Variants in C11orf65 observed in about 807,000 individuals in gnomAD.
C11orf65 encodes protein MFI.
C11orf65 carries 38 observed loss-of-function variants against 35.3 expected under a neutral mutation model. That is an observed-to-expected ratio of 1.08 (90% CI 0.83 to 1.41). The LOEUF (loss-of-function observed/expected upper bound fraction) is 1.41, where lower values mean the gene tolerates loss of function less well. Among genes scored for constraint, C11orf65 ranks in the 40% most tolerant of loss-of-function variants. C11orf65 has a pLI of 0.00. For missense variants in C11orf65, 370 were observed against 367.1 expected (o/e 1.01, Z -0.06); for synonymous variants, 105 against 114.4 (o/e 0.92, Z 0.53).
intron 3 of C11orf65, chr11:108,332,138 T>A: frequency 6.8e-7 from 1 of 1,475,918 alleles, no homozygotes; most frequent in Non-Finnish European, 9.2e-7. Flanking sequence ...CCATCTAAAA[T>A]CGGTTCAAGG....
intron 2 of C11orf65, chr11:108,347,254 G>A: frequency 6.6e-7 from 1 of 1,506,646 alleles, no homozygotes; most frequent in South Asian, 1.1e-5. Context: ...AGTGATTTCA[G>A]ATTGTTTGTT....
intron 7 of C11orf65, among the ~76,000 whole-genome samples, chr11:108,390,369 T>C (rs973515401): frequency 6.6e-6 from 1 of 152,210 alleles, no homozygotes. Flanking sequence ...TCACCTACTA[T>C]CACTTAGCGG....
At chr11:108,348,120 A>G (rs11212592) in intron 2 of C11orf65, among the ~76,000 whole-genome samples, 25,360 of 152,074 alleles carry the variant, frequency 0.17, 2,798 homozygotes, top group East Asian at 0.31. Context: ...ATAGTAAGAA[A>G]GTGATGAATT....
In C11orf65 at chr11:108,431,806, C is replaced by T. The variant is rs750192920; in HGVS notation, c.114G>A (p.Leu38=). The T allele has an allele frequency of 6.6e-7, 1 of 1,525,138 alleles. No individual in the cohort carries two copies. Among genetic ancestry groups the T allele is most frequent in the Non-Finnish European group, 8.9e-7 (1 of 1,122,042 alleles). 94.5% of individuals were successfully genotyped at this position (1,525,138 alleles called of 1,614,324 possible). A position where few individuals can be genotyped will look rare whatever the true frequency, so the allele number is the denominator to read the frequency against. ...NVAIFQHFKS[L]IDLRRQGEPR... ...GTTCTCCTTGTCTTCTTAAATCAAT[C>T]AGACTTTTAAAGTGTTGAAATATAG... Residue 38 remains leucine, a synonymous_variant, in exon 3 of 9, where the codon CTG becomes CTA. Coordinates refer to ENST00000393084, the MANE Select transcript of C11orf65 (RefSeq NM_152587.5).
At chr11:108,384,947 G>A (rs1267899990) in intron 8 of C11orf65, among the ~76,000 whole-genome samples, 2 of 152,114 alleles carry the variant, frequency 1.3e-5, no homozygotes, top group African/African-American at 4.8e-5. Flanking sequence ...TCAACATGCT[G>A]GCTTTTACTT....
intron 2 of C11orf65, among the ~76,000 whole-genome samples, chr11:108,357,596 C>T (rs555473185): frequency 5.3e-5 from 8 of 152,174 alleles, no homozygotes; most frequent in Non-Finnish European, 7.3e-5. Context: ...AGCTGGAGAT[C>T]GGACAACAGG....
intron 6 of C11orf65, among the ~76,000 whole-genome samples, chr11:108,319,766 C>A (rs1298039142): frequency 6.6e-6 from 1 of 152,064 alleles, no homozygotes; most frequent in East Asian, 1.9e-4. Context: ...GAGTAATTTC[C>A]TTTTTTTCTG....
At chr11:108,402,744 C>A (rs1394425489) in intron 6 of C11orf65, among the ~76,000 whole-genome samples, 2 of 151,980 alleles carry the variant, frequency 1.3e-5, no homozygotes, top group Admixed American at 6.5e-5. Context: ...CTCTCTTTTT[C>A]CTCTTTCCTA....
intron 3 of C11orf65, among the ~76,000 whole-genome samples, chr11:108,414,289 A>C (rs528180025): frequency 6.6e-6 from 1 of 152,112 alleles, no homozygotes; most frequent in East Asian, 1.9e-4. Context: ...TGGACATCTT[A>C]ATCTTCCACA....
chr11:108,389,277 T>C (rs1191853044), intron 7 of C11orf65, among the ~76,000 whole-genome samples: 4 of 152,176 alleles, frequency 2.6e-5, no homozygotes, highest in East Asian at 1.9e-4. Context: ...GTGGAGACCA[T>C]AAATGTGCTG....
At chr11:108,370,025 T>C (rs1247062792) in intron 2 of C11orf65, among the ~76,000 whole-genome samples, 3 of 152,174 alleles carry the variant, frequency 2.0e-5, no homozygotes, top group Non-Finnish European at 4.4e-5. Flanking sequence ...ATTCTCTTAA[T>C]GGAGTTTTTT....
chr11:108,346,038 C>T, intron 2 of C11orf65: 6 of 967,728 alleles, frequency 6.2e-6, no homozygotes, highest in East Asian at 2.5e-5. Flanking sequence ...TAGTAACCAA[C>T]CCATCTTCAT....
chr11:108,393,275 T>TC lies in C11orf65; in HGVS notation c.663dup (p.Ile222AspfsTer11). ...ACTTCCCATTCCATCACAGAATCTA[T>TC]CCCCCCATCTTCAAAAGCTCTAATC... On this transcript the variant is annotated frameshift_variant, in exon 7 of 9. Transcript: ENST00000393084. LOFTEE classifies it high-confidence loss of function. 2 of 1,613,982 alleles carry TC rather than the reference T, an allele frequency of 1.2e-6. No individual in the cohort carries two copies. The highest frequency in any genetic ancestry group is 1.7e-6 in the Non-Finnish European group (2 of 1,179,960).
rs876659558 is a variant in C11orf65 at position 108,316,031 on chromosome 11, A to T, written c.641-6960T>A. 6.2e-7 allele frequency: 1 copy of T among 1,614,196 alleles called. No individual in the cohort carries two copies. The highest frequency in any genetic ancestry group is 8.5e-7 in the Non-Finnish European group (1 of 1,180,016). On this transcript the variant is annotated intron_variant, in intron 6 of 6. Transcript: ENST00000525729. ...TATAGACTACGAACATATGAACACG[A>T]AGCAATGTGGGGCAAAGCCCTAGTA...
chr11:108,376,392 C>G (rs907605319), intron 2 of C11orf65, among the ~76,000 whole-genome samples: 1 of 152,142 alleles, frequency 6.6e-6, no homozygotes, highest in African/African-American at 2.4e-5. Context: ...CAGTACATAA[C>G]GAAATGAAGG....
At chr11:108,363,090 T>A (rs912029280) in intron 2 of C11orf65, among the ~76,000 whole-genome samples, 10 of 152,366 alleles carry the variant, frequency 6.6e-5, no homozygotes, top group Admixed American at 5.9e-4. Flanking sequence ...TTTGGTGTGA[T>A]TGTTCCAATC....
At chr11:108,366,365 C>T (rs758492915) in intron 2 of C11orf65, 14 of 214,726 alleles carry the variant, frequency 6.5e-5, no homozygotes, top group Non-Finnish European at 1.3e-4. Flanking sequence ...CATCATTTTT[C>T]AGATCTCTGT....
chr11:108,353,340 G>C (rs988979019), intron 2 of C11orf65, among the ~76,000 whole-genome samples: 8 of 152,122 alleles, frequency 5.3e-5, no homozygotes, highest in Admixed American at 3.9e-4. Flanking sequence ...GTGGAGACAA[G>C]GTTTCACCAT....
chr11:108,385,736 A>G (rs1438504774), intron 8 of C11orf65, among the ~76,000 whole-genome samples, 184 bp downstream of exon 8: 1 of 152,230 alleles, frequency 6.6e-6, no homozygotes, highest in Non-Finnish European at 1.5e-5. Context: ...CTTAAATAAT[A>G]TAGGACATTT....
Sources: gnomAD v4.1 joint callset for allele counts (sites outside exome capture counted in the v4.1 genomes callset) on GRCh38, gnomAD v4.1.1 for gene constraint, MANE v1.5 for transcripts, NCBI Gene and HGNC (gene_info 2026-07-23, HGNC 2026-07-21) for gene names.